COL5A1: variants seen among roughly 807,000 people sequenced by gnomAD.
COL5A1 encodes collagen type V alpha 1 chain, also known as collagen alpha-1(V) chain.
A neutral mutation model predicts 263.7 loss-of-function variants in COL5A1; 16 were observed. The ratio of observed to expected loss-of-function variants is 0.06; its 90% CI spans 0.04 to 0.09. The LOEUF (loss-of-function observed/expected upper bound fraction) is 0.09. COL5A1 is among the 10% of genes least tolerant of loss of function. The probability of loss-of-function intolerance (pLI) is 1.00; values close to 1 mark genes in which losing one functional copy is unlikely to be tolerated. For synonymous variants in COL5A1, 1,012 were observed against 1,004.5 expected, an observed-to-expected ratio of 1.01 and a Z score of -0.14; for missense variants, 2,036 against 2,540.5, an observed-to-expected ratio of 0.80 and a Z score of 4.27.
At chr9:134,827,823 C>T (rs944452707) in intron 63 of COL5A1, among the ~76,000 whole-genome samples, 2 of 152,248 alleles carry the variant, frequency 1.3e-5, no homozygotes, top group African/African-American at 4.8e-5. Context: ...CGCTTGCCCA[C>T]ATCCCGGGAC....
rs1833468370 is a variant in COL5A1 at position 134,696,339 on chromosome 9, A to G, written c.278-3570A>G. ...CAGGTGTGTGCCACCACACCCGGCT[A>G]ATTTTTTTTATATTTTTGGCAGAGA... On this transcript the variant is annotated intron_variant, in intron 2 of 65. Transcript: ENST00000371817. This position sits in a 1 kb window ranked among gnomAD's most constrained non-coding sequence, Gnocchi z 4.3. 6.6e-6 allele frequency among the ~76,000 whole-genome samples: 1 copy of G among 151,882 alleles called. No homozygotes were observed. The highest frequency in any genetic ancestry group is 2.1e-4 in the South Asian group (1 of 4,812).
At chr9:134,800,326 G>A (rs1418583803) in intron 37 of COL5A1, among the ~76,000 whole-genome samples, 1 of 152,128 alleles carries the variant, frequency 6.6e-6, no homozygotes, top group African/African-American at 2.4e-5. Context: ...AGCAGGGCAT[G>A]CCCTTGACAC....
At chr9:134,838,218 C>T (rs187293259) in intron 65 of COL5A1, among the ~76,000 whole-genome samples, 198 of 152,334 alleles carry the variant, frequency 1.3e-3, no homozygotes, top group African/African-American at 3.9e-3. Context: ...TTGGCATTCT[C>T]GGCCTCCACC....
intron 34 of COL5A1, among the ~76,000 whole-genome samples, chr9:134,796,077 T>C (rs910023405): frequency 6.6e-6 from 1 of 152,314 alleles, no homozygotes; most frequent in East Asian, 1.9e-4. Flanking sequence ...TTGCATGACT[T>C]TTCCAGGTGC....
At position 134,794,912 on chromosome 9, in the gene COL5A1, C is replaced by T. The variant is rs556953389; in HGVS notation, c.2701-170C>T. Reference sequence around the variant, plus strand: ...TGTGTCGGGTGTGCGGTGAGCTTCTCGCCCTGATAAATCTCCTATTAAAAC... The same window carrying T: ...TGTGTCGGGTGTGCGGTGAGCTTCTTGCCCTGATAAATCTCCTATTAAAAC... On this transcript the variant is annotated intron_variant, in intron 32 of 65. Coordinates refer to ENST00000371817, the MANE Select transcript of COL5A1 (RefSeq NM_000093.5). The surrounding 1 kb of genome is among the most constrained non-coding windows in gnomAD (Gnocchi z 4.3). Among the ~76,000 whole-genome samples the T allele has an allele frequency of 1.2e-4, 19 of 152,290 alleles. No homozygotes were observed. The highest frequency in any genetic ancestry group is 3.9e-4 in the African/African-American group (16 of 41,546).
intron 32 of COL5A1, among the ~76,000 whole-genome samples, chr9:134,793,384 T>TC (rs1554801153): frequency 2.6e-5 from 4 of 151,112 alleles, no homozygotes; most frequent in African/African-American, 9.8e-5. Flanking sequence ...CTAAGGAGGC[T>TC]GGGGGGGGCA....
At position 134,649,817 on chromosome 9, in the gene COL5A1, A is replaced by G. The variant is rs565668589; in HGVS notation, c.109+7521A>G. Among the ~76,000 whole-genome samples, 3 of 152,332 alleles carry G rather than the reference A, an allele frequency of 2.0e-5. No individual in the cohort carries two copies. The South Asian group carries it at 6.2e-4, about 32-fold the overall frequency. ...ATCAATGATAGATTGGATAAAGAAA[A>G]TATGGCACATATACATCATGGAATA... is the stretch of plus-strand genomic sequence containing the variant. On this transcript the variant is annotated intron_variant, in intron 1 of 65. Coordinates refer to ENST00000371817, the MANE Select transcript of COL5A1 (RefSeq NM_000093.5).
rs1191271240 is a variant in COL5A1 at position 134,682,108 on chromosome 9, G to T, written c.110-8804G>T. 1.3e-5 allele frequency among the ~76,000 whole-genome samples: 2 copies of T among 152,224 alleles called. No individual in the cohort carries two copies. Among genetic ancestry groups the T allele is most frequent in the Non-Finnish European group, 2.9e-5 (2 of 68,038 alleles). On this transcript the variant is annotated intron_variant, in intron 1 of 65. Transcript: ENST00000371817. The surrounding 1 kb of genome is among the most constrained non-coding windows in gnomAD (Gnocchi z 5.1). Reference sequence around the variant, plus strand: ...GACGTGGCCTGGGCTCAGTGTCTGGGACCGTGGTGCTGAGTGTTTGGCGGT... The same window carrying T: ...GACGTGGCCTGGGCTCAGTGTCTGGTACCGTGGTGCTGAGTGTTTGGCGGT...
rs1185853471 is a variant in COL5A1, at chr9:134,696,107, A to G, written c.278-3802A>G. Among the ~76,000 whole-genome samples the G allele has an allele frequency of 2.0e-5, 3 of 151,446 alleles. No individual in the cohort carries two copies. The highest frequency in any genetic ancestry group is 7.3e-5 in the African/African-American group (3 of 41,164). ...CTGTCCAAAGTTAGCCACACCCCGCATTCATTTCCTATCCTCTGACCTCTT... is the reference window on the plus strand; with the variant it reads ...CTGTCCAAAGTTAGCCACACCCCGCGTTCATTTCCTATCCTCTGACCTCTT... On this transcript the variant is annotated intron_variant, in intron 2 of 65. Transcript: ENST00000371817. The surrounding 1 kb of genome is among the most constrained non-coding windows in gnomAD (Gnocchi z 4.3).
At chr9:134,763,581 T>G in intron 19 of COL5A1, 112 bp from the exon 20 acceptor site, 1 of 1,076,624 alleles carries the variant, frequency 9.3e-7, no homozygotes, top group South Asian at 1.3e-5. Flanking sequence ...CTGGTAAACC[T>G]GGCGTATGTG....
chr9:134,691,749 C>T (rs1178740843), intron 2 of COL5A1: 1 of 153,168 alleles, frequency 6.5e-6, no homozygotes, highest in East Asian at 1.9e-4. Context: ...CGCCTTGACC[C>T]AGCCACTTGC....
At position 134,810,263 on chromosome 9, in the gene COL5A1, C is replaced by G; in HGVS notation, c.3483C>G (p.Ile1161Met). The G allele has an allele frequency of 3.7e-6, 6 of 1,614,112 alleles. No individual in the cohort carries two copies. Among genetic ancestry groups the G allele is most frequent in the Non-Finnish European group, 5.1e-6 (6 of 1,179,952 alleles). Residue 1161 changes from isoleucine to methionine, a missense_variant, in exon 44 of 66, where the codon ATC becomes ATG. Ile to Met is a conservative substitution (Grantham distance 10, BLOSUM62 1). Around this residue, in one of 3 missense-constraint regions of COL5A1, gnomAD observed 1,078 missense variants for 1,521.4 expected, o/e 0.71. Coordinates refer to ENST00000371817, the MANE Select transcript of COL5A1 (RefSeq NM_000093.5). ...PPGEDGDKGE[I>M]GEPGQKGSKG... ...CCCACACCTTCCCCTAGGGAGAGATCGGGGAGCCGGGGCAGAAAGGAAGCA... is the reference window on the plus strand; with the variant it reads ...CCCACACCTTCCCCTAGGGAGAGATGGGGGAGCCGGGGCAGAAAGGAAGCA...
chr9:134,655,472 A>T (rs769661445), intron 1 of COL5A1, among the ~76,000 whole-genome samples: 1 of 152,028 alleles, frequency 6.6e-6, no homozygotes, highest in African/African-American at 2.4e-5. Flanking sequence ...AGTTCGTAGC[A>T]CCTTCCTGTG....
In COL5A1 at chr9:134,755,433, G is replaced by T. The variant is rs753387175; in HGVS notation, c.1827+1107G>T. Among the ~76,000 whole-genome samples, 1 of 152,198 alleles carries T rather than the reference G, an allele frequency of 6.6e-6. No individual in the cohort carries two copies. The highest frequency in any genetic ancestry group is 1.5e-5 in the Non-Finnish European group (1 of 68,032). Reference sequence around the variant, plus strand: ...CATGGTGTCGGGGCCATGCATATGCGTGTGTTTTAAGGCATTAAGTATGCC... The same window carrying T: ...CATGGTGTCGGGGCCATGCATATGCTTGTGTTTTAAGGCATTAAGTATGCC... On this transcript the variant is annotated intron_variant, in intron 16 of 65. Coordinates refer to ENST00000371817, the MANE Select transcript of COL5A1 (RefSeq NM_000093.5). This position sits in a 1 kb window ranked among gnomAD's most constrained non-coding sequence, Gnocchi z 4.1.
chr9:134,693,265 G>A (rs895825623), intron 2 of COL5A1, among the ~76,000 whole-genome samples: 5 of 152,112 alleles, frequency 3.3e-5, no homozygotes, highest in Non-Finnish European at 7.4e-5. Context: ...CAGTGAAGCA[G>A]TGAGCCGAGA....
chr9:134,784,948 G>GTGT (rs201808952), intron 29 of COL5A1, 41 bp from the exon 30 acceptor site: 4 of 1,439,518 alleles, frequency 2.8e-6, no homozygotes, highest in African/African-American at 1.6e-5. Flanking sequence ...TAGTGTGTGT[G>GTGT]CGGGGGGTGG....
intron 4 of COL5A1, among the ~76,000 whole-genome samples, chr9:134,717,251 G>A (rs560530797): frequency 6.9e-6 from 1 of 145,844 alleles, no homozygotes; most frequent in South Asian, 2.3e-4. Flanking sequence ...GTCAGAATCC[G>A]CCGGGCCCAG....
intron 11 of COL5A1, among the ~76,000 whole-genome samples, chr9:134,745,520 C>T (rs1220412172): frequency 1.3e-5 from 2 of 152,148 alleles, no homozygotes; most frequent in Non-Finnish European, 2.9e-5. Flanking sequence ...AAGAGCCCCT[C>T]CTGTGGATTT....
chr9:134,676,629 C>A lies in COL5A1; in HGVS notation c.110-14283C>A, dbSNP rs548080913. The stretch of plus-strand genomic sequence containing the variant: ...AAAGGCTCCTTCTTCCACTGGCATT[C>A]GTCTTGGAGCCACGAATGCACAGTT... On this transcript the variant is annotated intron_variant, in intron 1 of 65. Coordinates refer to ENST00000371817, the MANE Select transcript of COL5A1 (RefSeq NM_000093.5). Among the ~76,000 whole-genome samples the A allele has an allele frequency of 3.9e-4, 30 of 77,228 alleles. 2 individuals are homozygous for A. The South Asian group carries it at 8.9e-3, about 23-fold the overall frequency. The allele number at this position is 77,228 out of a possible 152,430, so 50.7% of individuals were successfully genotyped here.
Sources: gnomAD v4.1 joint callset for allele counts (sites outside exome capture counted in the v4.1 genomes callset) on GRCh38, gnomAD v4.1.1 for gene constraint, gnomAD v4.1.1 regional missense constraint, Gnocchi (gnomAD v3.1) non-coding constraint, MANE v1.5 for transcripts, NCBI Gene and HGNC (gene_info 2026-07-23, HGNC 2026-07-21) for gene names.